PDE10A: variants seen among roughly 807,000 people sequenced by gnomAD.
The protein encoded by PDE10A is cAMP and cAMP-inhibited cGMP 3',5'-cyclic phosphodiesterase 10A.
Under a neutral mutation model 97.7 loss-of-function variants are expected in PDE10A, and 39 were observed. The ratio of observed to expected loss-of-function variants is 0.40; its 90% CI spans 0.31 to 0.52. The LOEUF is 0.52. Ranked by LOEUF, PDE10A falls within the 20% of genes least tolerant of loss-of-function variation. The probability of loss-of-function intolerance (pLI) is 0.56; values close to 1 mark genes in which losing one functional copy is unlikely to be tolerated. For missense variants in PDE10A, 731 were observed against 1,047.8 expected (o/e 0.70, Z 4.17); for synonymous variants, 371 against 376.8 (o/e 0.98, Z 0.18).
chr6:165,394,597 T>C (rs1316216082), intron 15 of PDE10A, among the ~76,000 whole-genome samples: 1 of 152,208 alleles, frequency 6.6e-6, no homozygotes, highest in African/African-American at 2.4e-5. Flanking sequence ...ATGGGATTGC[T>C]AGGTCAAATG....
intron 13 of PDE10A, among the ~76,000 whole-genome samples, chr6:165,402,283 A>G (rs1207552045): frequency 1.3e-5 from 2 of 152,182 alleles, no homozygotes; most frequent in Non-Finnish European, 2.9e-5. Flanking sequence ...TAAAATTTTT[A>G]GTCATTTATT....
At chr6:165,376,357 G>A (rs899374861) in intron 18 of PDE10A, among the ~76,000 whole-genome samples, 2 of 152,204 alleles carry the variant, frequency 1.3e-5, no homozygotes, top group African/African-American at 4.8e-5. Context: ...TCTTATGAAT[G>A]AGCCAAGAAA....
intron 1 of PDE10A, among the ~76,000 whole-genome samples, chr6:165,786,174 C>A (rs140434939): frequency 1.3e-5 from 2 of 152,154 alleles, no homozygotes; most frequent in Non-Finnish European, 2.9e-5. Context: ...TTTAACAGAG[C>A]GCACATCTGA....
At chr6:165,627,941 C>CA (rs919596313) in intron 1 of PDE10A, among the ~76,000 whole-genome samples, 4 of 152,206 alleles carry the variant, frequency 2.6e-5, no homozygotes, top group Non-Finnish European at 5.9e-5. Flanking sequence ...CTCTGTCTTG[C>CA]ATTTGAAAGC....
chr6:165,334,339 C>G (rs1168626945), intron 21 of PDE10A, among the ~76,000 whole-genome samples: 3 of 150,062 alleles, frequency 2.0e-5, no homozygotes, highest in Admixed American at 2.0e-4. Context: ...GCCTCCATAG[C>G]GCCCTACAGC....
chr6:165,906,026 T>TCCCTCCCTCCCTCCCTCTC (rs1782263587), intron 1 of PDE10A, among the ~76,000 whole-genome samples: 1 of 3,110 alleles, frequency 3.2e-4, no homozygotes, highest in Non-Finnish European at 5.0e-4. Flanking sequence ...CCTCCCTCCC[T>TCCCTCCCTCCCTCCCTCTC]TCCTTCCTTC....
At chr6:165,430,395 A>G (rs954128066) in intron 8 of PDE10A, 50 bp from the exon 9 acceptor site, 10 of 1,189,060 alleles carry the variant, frequency 8.4e-6, no homozygotes, top group Non-Finnish European at 1.2e-5. Context: ...TGCTTATTTC[A>G]AAATAAAACT....
At chr6:165,615,220 AAAAG>A (rs1554296011) in intron 1 of PDE10A, among the ~76,000 whole-genome samples, 75 of 148,524 alleles carry the variant, frequency 5.0e-4, no homozygotes, top group East Asian at 2.4e-3. Context: ...AGAAAAAAAA[AAAAG>A]AAAGAAAGAA....
intron 1 of PDE10A, among the ~76,000 whole-genome samples, chr6:165,883,518 C>T (rs927916581): frequency 3.4e-5 from 5 of 148,134 alleles, no homozygotes; most frequent in South Asian, 2.2e-4. Context: ...CCAGCCTTGA[C>T]GACAAATTGA....
At chr6:165,590,298 G>A (rs886590884) in intron 1 of PDE10A, among the ~76,000 whole-genome samples, 12 of 152,284 alleles carry the variant, frequency 7.9e-5, no homozygotes, top group Non-Finnish European at 1.5e-4. Context: ...CCATTTTAGA[G>A]GATGGAACTG....
At chr6:165,666,539 T>C (rs978646149), upstream of PDE10A, among the ~76,000 whole-genome samples, 1 of 152,212 alleles carries the variant, frequency 6.6e-6, no homozygotes, top group Non-Finnish European at 1.5e-5. Context: ...CATTCAGGTG[T>C]GATGTGTCAT....
chr6:165,422,486 C>T (rs3799172), intron 10 of PDE10A, among the ~76,000 whole-genome samples: 7,683 of 127,694 alleles, frequency 0.06, 1,084 homozygotes, highest in African/African-American at 0.16. Context: ...CGCATACACA[C>T]CTATGCATAC....
intron 1 of PDE10A, among the ~76,000 whole-genome samples, chr6:165,619,369 G>GGTC (rs1562634544): frequency 7.6e-5 from 8 of 104,724 alleles, no homozygotes; most frequent in East Asian, 2.4e-4. Context: ...CTAGTGTAGT[G>GGTC]TGGTGTAGTG....
At chr6:165,506,844 G>C (rs79184395) in intron 2 of PDE10A, among the ~76,000 whole-genome samples, 17 of 152,010 alleles carry the variant, frequency 1.1e-4, no homozygotes, top group African/African-American at 4.1e-4. Flanking sequence ...TTGAAATACT[G>C]CCATAACAAT....
At chr6:165,518,470 C>T (rs941272483) in intron 2 of PDE10A, among the ~76,000 whole-genome samples, 16 of 152,184 alleles carry the variant, frequency 1.1e-4, no homozygotes, top group African/African-American at 2.9e-4. Flanking sequence ...AGAGTCTCCA[C>T]GCTGCAGATG....
In PDE10A at chr6:165,445,802, T is replaced by G. The variant is rs1375865451; in HGVS notation, c.1194+3126A>C. Among the ~76,000 whole-genome samples, 9 of 152,090 alleles carry G rather than the reference T, an allele frequency of 5.9e-5. 1 individual carries two copies. Among genetic ancestry groups the G allele is most frequent in the Admixed American group, 4.6e-4 (7 of 15,254 alleles). ...AGTGACTAGCAGAAACAAATGCATG[T>G]CTATCTCCAAGAAAGAAACTAGAAA... On this transcript the variant is annotated intron_variant, in intron 5 of 21. Transcript: ENST00000539869.
chr6:165,909,259 A>C (rs1407949919), intron 1 of PDE10A, among the ~76,000 whole-genome samples: 1 of 152,196 alleles, frequency 6.6e-6, no homozygotes, highest in Non-Finnish European at 1.5e-5. Flanking sequence ...TGTGCCACAC[A>C]AAGGAAGAAA....
chr6:165,743,380 C>G (rs1226720679), intron 1 of PDE10A, among the ~76,000 whole-genome samples: 1 of 152,180 alleles, frequency 6.6e-6, no homozygotes, highest in Non-Finnish European at 1.5e-5. Flanking sequence ...TTGCACAGTA[C>G]TAATAACTGA....
intron 5 of PDE10A, 29 bp downstream of exon 5, chr6:165,448,899 A>G (rs1421192788): frequency 1.4e-6 from 2 of 1,468,144 alleles, no homozygotes; most frequent in East Asian, 2.3e-5. Flanking sequence ...TCTTATCTAG[A>G]GCACCAAAAT....
Sources: gnomAD v4.1 joint callset for allele counts (sites outside exome capture counted in the v4.1 genomes callset) on GRCh38, gnomAD v4.1.1 for gene constraint, MANE v1.5 for transcripts, NCBI Gene and HGNC (gene_info 2026-07-23, HGNC 2026-07-21) for gene names.